PPP3CA: variants seen among roughly 807,000 people sequenced by gnomAD.
PPP3CA encodes CAM-PRP catalytic subunit.
PPP3CA carries 14 observed loss-of-function variants against 66.5 expected under a neutral mutation model. That is an observed-to-expected ratio of 0.21 (90% CI 0.14 to 0.33). PPP3CA has a LOEUF of 0.33. Among genes scored for constraint, PPP3CA ranks in the 10% least tolerant of loss-of-function variants. The probability of loss-of-function intolerance (pLI) is 1.00; values close to 1 mark genes in which losing one functional copy is unlikely to be tolerated. For synonymous variants in PPP3CA, 232 were observed against 226.2 expected (o/e 1.03, Z -0.23); for missense variants, 317 against 639.5 (o/e 0.50, Z 5.44).
chr4:101,052,669 T>C (rs1578405555), intron 10 of PPP3CA, among the ~76,000 whole-genome samples: 1 of 151,972 alleles, frequency 6.6e-6, no homozygotes, highest in East Asian at 1.9e-4. Context: ...TTTTTACACA[T>C]CTTTCTTTCC....
intron 12 of PPP3CA, among the ~76,000 whole-genome samples, chr4:101,029,846 G>T (rs1032507254): frequency 4.7e-5 from 7 of 150,222 alleles, no homozygotes; most frequent in Non-Finnish European, 8.9e-5. Context: ...GAAGGAAAAG[G>T]AAAAAAGGAA....
At chr4:101,118,956 A>ATTTTTTTT (rs201507463) in intron 2 of PPP3CA, among the ~76,000 whole-genome samples, 4 of 129,942 alleles carry the variant, frequency 3.1e-5, no homozygotes, top group African/African-American at 8.9e-5. Flanking sequence ...GAACTTACAG[A>ATTTTTTTT]TTTTTTTTTT....
intron 1 of PPP3CA, among the ~76,000 whole-genome samples, chr4:101,228,756 C>A (rs780190283): frequency 4.6e-4 from 69 of 151,640 alleles, no homozygotes; most frequent in Non-Finnish European, 7.7e-4. Context: ...GAACTCTATC[C>A]CCCTCTTCTT....
intron 1 of PPP3CA, among the ~76,000 whole-genome samples, chr4:101,331,548 A>C (rs1729387981): frequency 6.6e-6 from 1 of 152,200 alleles, no homozygotes; most frequent in Non-Finnish European, 1.5e-5. Flanking sequence ...TCGTGCGTAC[A>C]ACAGACAAGT....
intron 1 of PPP3CA, among the ~76,000 whole-genome samples, chr4:101,241,215 T>G (rs574328039): frequency 8.5e-5 from 13 of 152,094 alleles, no homozygotes; most frequent in Non-Finnish European, 1.5e-4. Flanking sequence ...AGAAGTGACC[T>G]AGGCTTTCAT....
rs1578382769 is a variant in PPP3CA, at chr4:101,025,932, T to C, written c.1499A>G (p.Asn500Ser). ...GTTAGTCTCTGAGGTGAGAGCCTTG[T>C]TGATGGAGTTAAGGTTGGCGTCAGA... ...MPSDANLNSI[N>S]KALTSETNGT... Residue 500 changes from asparagine (N) to serine (S), a missense_variant, in exon 14 of 14, where the codon AAC (asparagine) becomes AGC (serine). Physicochemically the swap from Asn to Ser is conservative, Grantham distance 46. This residue lies in a region of PPP3CA where 40 missense variants were observed against 38.6 expected (regional missense o/e 1.04). Coordinates refer to ENST00000394854, the MANE Select transcript of PPP3CA (RefSeq NM_000944.5). 1 of 1,613,236 alleles carries C rather than the reference T, an allele frequency of 6.2e-7. No homozygotes were observed. Among genetic ancestry groups the C allele is most frequent in the Non-Finnish European group, 8.5e-7 (1 of 1,179,794 alleles).
At chr4:101,229,621 GA>G (rs946143933) in intron 1 of PPP3CA, among the ~76,000 whole-genome samples, 33 of 147,290 alleles carry the variant, frequency 2.2e-4, no homozygotes, top group African/African-American at 4.5e-4. Context: ...GGTATTGGGT[GA>G]AAAAAAAAAT....
Position 101,254,924 on chromosome 4 carries a change from T to C in PPP3CA, c.59-58808A>G, listed in dbSNP as rs116514105. ...CAATTAATCTTTTTATTTTCCACCATGCATAAGACAGGACCTCGTATGTAT... is the reference window on the plus strand; with the variant it reads ...CAATTAATCTTTTTATTTTCCACCACGCATAAGACAGGACCTCGTATGTAT... On this transcript the variant is annotated intron_variant, in intron 1 of 13. Coordinates refer to ENST00000394854, the MANE Select transcript of PPP3CA (RefSeq NM_000944.5). 5.0e-3 allele frequency among the ~76,000 whole-genome samples: 756 copies of C among 151,004 alleles called. 7 individuals carry two copies. Among genetic ancestry groups the C allele is most frequent in the South Asian group, 0.017 (83 of 4,794 alleles).
At chr4:101,060,664 C>A (rs988760142) in intron 10 of PPP3CA, among the ~76,000 whole-genome samples, 1 of 152,016 alleles carries the variant, frequency 6.6e-6, no homozygotes, top group Non-Finnish European at 1.5e-5. Context: ...TATGTAAATG[C>A]CTTTTTCATC....
chr4:101,334,096 A>G (rs1729545501), intron 1 of PPP3CA, among the ~76,000 whole-genome samples: 2 of 152,108 alleles, frequency 1.3e-5, no homozygotes, highest in South Asian at 4.1e-4. Context: ...GCAGGAGATT[A>G]TATCATATGG....
chr4:101,196,784 C>T (rs765932285), intron 1 of PPP3CA, among the ~76,000 whole-genome samples: 2 of 152,154 alleles, frequency 1.3e-5, no homozygotes, highest in African/African-American at 2.4e-5. Context: ...TGACAAAGTC[C>T]AATTATTGCT....
intron 1 of PPP3CA, among the ~76,000 whole-genome samples, chr4:101,285,204 A>C (rs193107304): frequency 3.3e-5 from 5 of 152,296 alleles, no homozygotes; most frequent in Non-Finnish European, 5.9e-5. Flanking sequence ...TATAGAATTC[A>C]AAATTCATGC....
At chr4:101,292,386 G>T (rs1728056177) in intron 1 of PPP3CA, among the ~76,000 whole-genome samples, 1 of 152,104 alleles carries the variant, frequency 6.6e-6, no homozygotes. Context: ...CTTATCTGTT[G>T]TAACAGCTGA....
chr4:101,089,193 GGGTGTA>G (rs1471600516), intron 6 of PPP3CA, among the ~76,000 whole-genome samples: 1 of 152,110 alleles, frequency 6.6e-6, no homozygotes, highest in Non-Finnish European at 1.5e-5. Flanking sequence ...CTAGGGAAGT[GGGTGTA>G]GGTGAGGTTC....
chr4:101,163,552 C>T lies in PPP3CA; in HGVS notation c.259+32364G>A, dbSNP rs140503291. Among the ~76,000 whole-genome samples the T allele has an allele frequency of 2.8e-4, 42 of 152,222 alleles. 1 individual carries two copies. The highest frequency in any genetic ancestry group is 8.9e-4 in the African/African-American group (37 of 41,502). Reference sequence around the variant, plus strand: ...ATTCTCTCATCCTTTCTTATTCCCACCCTTTCTTCCAGGCTTAAATAACCA... The same window carrying T: ...ATTCTCTCATCCTTTCTTATTCCCATCCTTTCTTCCAGGCTTAAATAACCA... On this transcript the variant is annotated intron_variant, in intron 2 of 13. Coordinates refer to ENST00000394854, the MANE Select transcript of PPP3CA (RefSeq NM_000944.5).
chr4:101,088,351 C>T (rs1275528601), intron 6 of PPP3CA, among the ~76,000 whole-genome samples: 1 of 151,876 alleles, frequency 6.6e-6, no homozygotes, highest in Non-Finnish European at 1.5e-5. Context: ...TTTGGGAGGC[C>T]GAGGCGGGTG....
chr4:101,306,177 G>T (rs1728529953), intron 1 of PPP3CA, among the ~76,000 whole-genome samples: 1 of 152,158 alleles, frequency 6.6e-6, no homozygotes, highest in South Asian at 2.1e-4. Context: ...TACTCTGGAA[G>T]GGGTTTCTAA....
chr4:101,038,407 T>C (rs1727354077), intron 11 of PPP3CA, among the ~76,000 whole-genome samples: 1 of 151,670 alleles, frequency 6.6e-6, no homozygotes. Flanking sequence ...TCTTGCTCTG[T>C]CACCCAGGCT....
chr4:101,346,184 AG>A (rs1193567485), intron 1 of PPP3CA, among the ~76,000 whole-genome samples: 1 of 147,232 alleles, frequency 6.8e-6, no homozygotes, highest in Non-Finnish European at 1.5e-5. Context: ...AGGCCCTTCC[AG>A]GGGGAGGGGG....
Sources: allele counts gnomAD v4.1 joint callset (sites outside exome capture counted in the v4.1 genomes callset), GRCh38; gene constraint gnomAD v4.1.1; regional missense constraint gnomAD v4.1.1; transcripts MANE v1.5; gene names NCBI Gene and HGNC (gene_info 2026-07-23, HGNC 2026-07-21).